RFTN2: variants seen among roughly 807,000 people sequenced by gnomAD.
The protein encoded by RFTN2 is raftlin-2.
A neutral mutation model predicts 52.7 loss-of-function variants in RFTN2; 34 were observed. The observed-to-expected ratio is 0.64, with a 90% CI of 0.49 to 0.86. The LOEUF (loss-of-function observed/expected upper bound fraction) is 0.86. Ranked by LOEUF, RFTN2 falls within the 40% of genes least tolerant of loss-of-function variation. The pLI is 0.00. For synonymous variants in RFTN2, 203 were observed against 217.7 expected (o/e 0.93, Z 0.59); for missense variants, 536 against 600.1 (o/e 0.89, Z 1.12).
chr2:197,616,548 T>C (rs1179187903), intron 6 of RFTN2, among the ~76,000 whole-genome samples: 1 of 152,076 alleles, frequency 6.6e-6, no homozygotes, highest in Non-Finnish European at 1.5e-5. Context: ...CATTTCACCT[T>C]CCTAAAGTGC....
chr2:197,642,485 CTT>C (rs1487514212), intron 3 of RFTN2, among the ~76,000 whole-genome samples: 2 of 152,138 alleles, frequency 1.3e-5, no homozygotes, highest in African/African-American at 4.8e-5. Context: ...ACTTTTCTCT[CTT>C]GACAGTCAAT....
In RFTN2 at chr2:197,582,262, G is replaced by C. The variant is rs185885981; in HGVS notation, c.1234-9982C>G. On this transcript the variant is annotated intron_variant, in intron 8 of 8. Coordinates refer to ENST00000295049, the MANE Select transcript of RFTN2 (RefSeq NM_144629.3). ...ATCTGACACATATACTTTCTGCTCC[G>C]CAGCTCCTTCAGCTATACTCACTCT... is the stretch of plus-strand genomic sequence containing the variant. Among the ~76,000 whole-genome samples, 234 of 151,850 alleles carry C rather than the reference G, an allele frequency of 1.5e-3. 3 individuals carry two copies. The highest frequency in any genetic ancestry group is 8.3e-3 in the South Asian group (40 of 4,804).
chr2:197,588,799 A>C (rs1287726362), intron 8 of RFTN2, among the ~76,000 whole-genome samples: 1 of 152,156 alleles, frequency 6.6e-6, no homozygotes, highest in Admixed American at 6.5e-5. Flanking sequence ...TCCTCAACCA[A>C]ATCTCATCTT....
At chr2:197,639,435 AT>A (rs2088623573) in intron 3 of RFTN2, among the ~76,000 whole-genome samples, 1 of 150,368 alleles carries the variant, frequency 6.7e-6, no homozygotes, top group Non-Finnish European at 1.5e-5. Flanking sequence ...GGCTTTGCTC[AT>A]TTCTTTTTAT....
At chr2:197,630,152 CA>C (rs1224520236) in intron 5 of RFTN2, among the ~76,000 whole-genome samples, 1 of 152,180 alleles carries the variant, frequency 6.6e-6, no homozygotes, top group African/African-American at 2.4e-5. Flanking sequence ...CCTATTGGAA[CA>C]TGACTCCTGA....
At chr2:197,629,936 C>A (rs539710279) in intron 5 of RFTN2, among the ~76,000 whole-genome samples, 1 of 152,112 alleles carries the variant, frequency 6.6e-6, no homozygotes, top group African/African-American at 2.4e-5. Flanking sequence ...ATTGCCCAGG[C>A]TAGTCTCGAA....
rs576318180 is a variant in RFTN2, at chr2:197,594,078, C to T, written c.1233+1913G>A. On this transcript the variant is annotated intron_variant, in intron 8 of 8. Coordinates refer to ENST00000295049, the MANE Select transcript of RFTN2 (RefSeq NM_144629.3). The stretch of plus-strand genomic sequence containing the variant: ...GTTGCCAGGCTGCAGTGCAGTGGTG[C>T]GATCTTGGCTCACTACAACCTCTAC... Among the ~76,000 whole-genome samples, 78 of 140,940 alleles carry T rather than the reference C, an allele frequency of 5.5e-4. 2 individuals are homozygous for T. In the South Asian group the frequency reaches 8.9e-3, roughly 16 times the overall value. The allele number at this position is 140,940 out of a possible 152,430, so 92.5% of individuals were successfully genotyped here.
intron 1 of RFTN2, among the ~76,000 whole-genome samples, chr2:197,649,041 C>A (rs2088790465): frequency 6.6e-6 from 1 of 152,098 alleles, no homozygotes; most frequent in Non-Finnish European, 1.5e-5. Context: ...GGAAATACTG[C>A]TCATAAGGGG....
chr2:197,597,371 T>G (rs1242847547), intron 7 of RFTN2, among the ~76,000 whole-genome samples: 2 of 152,216 alleles, frequency 1.3e-5, no homozygotes, highest in African/African-American at 4.8e-5. Flanking sequence ...CAGAAAAAGC[T>G]GGTCACATGT....
At position 197,675,309 on chromosome 2, in the gene RFTN2, G is replaced by A. The variant is rs1414228656; in HGVS notation, c.139+11C>T. 6.4e-7 allele frequency: 1 copy of A among 1,570,914 alleles called. No homozygotes were observed. Among genetic ancestry groups the A allele is most frequent in the South Asian group, 1.2e-5 (1 of 83,540 alleles). ...GAAACATTTAACAAACAAAATAGAAGCAAAAAGTACCTTGTAGAGTAAAAT... is the reference window on the plus strand; with the variant it reads ...GAAACATTTAACAAACAAAATAGAAACAAAAAGTACCTTGTAGAGTAAAAT... On this transcript the variant is annotated intron_variant, in intron 1 of 8. Coordinates refer to ENST00000295049, the MANE Select transcript of RFTN2 (RefSeq NM_144629.3).
At chr2:197,572,612 A>T (rs1005882387) in intron 8 of RFTN2, among the ~76,000 whole-genome samples, 3 of 152,222 alleles carry the variant, frequency 2.0e-5, no homozygotes, top group Non-Finnish European at 4.4e-5. Context: ...GAACAAAGCA[A>T]GGTATAAATA....
chr2:197,598,360 G>A (rs2087824248), intron 7 of RFTN2, among the ~76,000 whole-genome samples: 1 of 152,056 alleles, frequency 6.6e-6, no homozygotes, highest in Admixed American at 6.5e-5. Flanking sequence ...ACAAATTCAA[G>A]GGACAGGGTA....
chr2:197,621,413 T>C (rs2088263419), intron 5 of RFTN2, among the ~76,000 whole-genome samples: 1 of 151,478 alleles, frequency 6.6e-6, no homozygotes, highest in Non-Finnish European at 1.5e-5. Flanking sequence ...TTTTTTTTTT[T>C]TTTTTCAAAT....
chr2:197,630,193 T>C (rs894175789), intron 5 of RFTN2, among the ~76,000 whole-genome samples: 1 of 103,010 alleles, frequency 9.7e-6, no homozygotes, highest in Non-Finnish European at 2.0e-5. Flanking sequence ...AAGTCTGTAG[T>C]TGGATCAGTT....
intron 5 of RFTN2, among the ~76,000 whole-genome samples, chr2:197,624,284 T>C (rs754621274): frequency 5.3e-5 from 8 of 152,116 alleles, no homozygotes; most frequent in Non-Finnish European, 4.4e-5. Context: ...AACAGCATCA[T>C]ATGCTAGAGA....
intron 1 of RFTN2, among the ~76,000 whole-genome samples, chr2:197,671,257 G>C (rs115534592): frequency 2.6e-4 from 39 of 152,232 alleles, no homozygotes; most frequent in Non-Finnish European, 4.9e-4. Flanking sequence ...TCACTGCTCT[G>C]TTCACCAGCC....
At chr2:197,641,214 G>A (rs777553138) in intron 3 of RFTN2, among the ~76,000 whole-genome samples, 4 of 152,196 alleles carry the variant, frequency 2.6e-5, no homozygotes, top group African/African-American at 4.8e-5. Context: ...CCAGTCAATG[G>A]GGGCAACTTA....
At chr2:197,602,986 CAT>C (rs964079836) in intron 7 of RFTN2, among the ~76,000 whole-genome samples, 132 of 152,302 alleles carry the variant, frequency 8.7e-4, no homozygotes, top group African/African-American at 3.0e-3. Context: ...AAAAACCAAA[CAT>C]AGCATGTTCT....
rs922600194 is a variant in RFTN2 at position 197,571,953 on chromosome 2, T to C, written c.*55A>G. 19 of 1,547,660 alleles carry C rather than the reference T, an allele frequency of 1.2e-5. No individual in the cohort carries two copies. Among genetic ancestry groups the C allele is most frequent in the African/African-American group, 5.4e-5 (4 of 73,442 alleles). On this transcript the variant is annotated 3_prime_UTR_variant, in exon 9 of 9. Transcript: ENST00000295049. ...AGAGAAAGTAATACAATAAGGTCAG[T>C]TGGCAATGATTTTAACAATTATTTA...
Sources: gnomAD v4.1 joint callset for allele counts (sites outside exome capture counted in the v4.1 genomes callset) on GRCh38, gnomAD v4.1.1 for gene constraint, MANE v1.5 for transcripts, NCBI Gene and HGNC (gene_info 2026-07-23, HGNC 2026-07-21) for gene names.